The following NEDD4L variants were observed in gnomAD, a reference collection of about 807,000 sequenced individuals.
The protein encoded by NEDD4L is NEDD4 like E3 ubiquitin protein ligase, also known as E3 ubiquitin-protein ligase NEDD4-like.
NEDD4L carries 54 observed loss-of-function variants against 148.9 expected under a neutral mutation model. The observed-to-expected ratio is 0.36, with a 90% CI of 0.29 to 0.45. The LOEUF (loss-of-function observed/expected upper bound fraction) is 0.45. NEDD4L is among the 20% of genes least tolerant of loss of function. The pLI is 1.00. For synonymous variants in NEDD4L, 433 were observed against 440.7 expected, an observed-to-expected ratio of 0.98 and a Z score of 0.22; for missense variants, 856 against 1,233.8, an observed-to-expected ratio of 0.69 and a Z score of 4.59.
At chr18:58,183,043 G>A (rs1451037727) in intron 2 of NEDD4L, among the ~76,000 whole-genome samples, 2 of 152,150 alleles carry the variant, frequency 1.3e-5, no homozygotes, top group Admixed American at 6.5e-5. Flanking sequence ...AATGCTTCAG[G>A]TTGTATGGGA....
chr18:58,164,596 G>A (rs903678770), intron 1 of NEDD4L, among the ~76,000 whole-genome samples: 2 of 152,126 alleles, frequency 1.3e-5, no homozygotes, highest in Admixed American at 6.5e-5. Flanking sequence ...TCAGCCTCCT[G>A]AGTAGCTGGG....
chr18:58,251,973 T>TA, intron 4 of NEDD4L, 28 bp from the exon 5 acceptor site: 2 of 1,334,838 alleles, frequency 1.5e-6, no homozygotes, highest in Non-Finnish European at 2.2e-6. Flanking sequence ...CCTGCTCGTT[T>TA]AAAAAATACT....
At chr18:58,221,558 C>T (rs889705601) in intron 2 of NEDD4L, 11 of 985,248 alleles carry the variant, frequency 1.1e-5, no homozygotes, top group African/African-American at 1.7e-5. Context: ...GCGAGCTGGG[C>T]GCATTCCTTC....
chr18:58,198,932 G>A (rs1353609945), intron 2 of NEDD4L, among the ~76,000 whole-genome samples: 2 of 152,094 alleles, frequency 1.3e-5, no homozygotes, highest in Non-Finnish European at 2.9e-5. Context: ...AGCCTCCCAA[G>A]TAGCTGGGAT....
chr18:58,268,899 G>GGGA (rs1424709353), intron 5 of NEDD4L, among the ~76,000 whole-genome samples: 2 of 151,914 alleles, frequency 1.3e-5, no homozygotes, highest in Non-Finnish European at 2.9e-5. Context: ...CAGTGCTCTT[G>GGGA]GGAGCATTCT....
intron 1 of NEDD4L, among the ~76,000 whole-genome samples, chr18:58,129,233 C>T (rs2031656028): frequency 6.6e-6 from 1 of 152,232 alleles, no homozygotes; most frequent in Non-Finnish European, 1.5e-5. Context: ...TTGGCTGCTG[C>T]TGCTCAGCCT....
chr18:58,125,343 TC>T (rs2030848298), intron 1 of NEDD4L, among the ~76,000 whole-genome samples: 1 of 145,220 alleles, frequency 6.9e-6, no homozygotes, highest in African/African-American at 2.6e-5. Context: ...ACTGTCCTCT[TC>T]CCCCCACCAG....
chr18:58,054,502 G>A (rs1039907355), intron 1 of NEDD4L, among the ~76,000 whole-genome samples: 1 of 152,176 alleles, frequency 6.6e-6, no homozygotes, highest in Non-Finnish European at 1.5e-5. Context: ...AGAGGCCCAG[G>A]TGGAAAGATA....
chr18:58,049,607 G>A (rs1023194051), intron 1 of NEDD4L, among the ~76,000 whole-genome samples: 1 of 152,164 alleles, frequency 6.6e-6, no homozygotes, highest in African/African-American at 2.4e-5. Context: ...AGAAACAAAT[G>A]TTAAAAGGAC....
At chr18:58,130,663 C>T (rs1427043394) in intron 1 of NEDD4L, among the ~76,000 whole-genome samples, 4 of 142,846 alleles carry the variant, frequency 2.8e-5, no homozygotes, top group Non-Finnish European at 6.1e-5. Flanking sequence ...TGACTGTGAT[C>T]TAGCAGAACA....
intron 27 of NEDD4L, 107 bp from the exon 28 acceptor site, chr18:58,388,978 C>T (rs2049423701): frequency 2.4e-6 from 2 of 849,892 alleles, no homozygotes; most frequent in African/African-American, 1.7e-5. Context: ...GCTAGCTTAC[C>T]TTCGCGGCAC....
intron 1 of NEDD4L, among the ~76,000 whole-genome samples, chr18:58,143,678 C>G (rs1002704938): frequency 6.6e-6 from 1 of 152,106 alleles, no homozygotes; most frequent in South Asian, 2.1e-4. Flanking sequence ...CCAGAGAGGC[C>G]GTGGATGGGA....
In NEDD4L at chr18:58,256,570, T is replaced by A; in HGVS notation, c.297+4516T>A. The A allele has an allele frequency of 8.1e-7, 1 of 1,232,308 alleles. No homozygotes were observed. The highest frequency in any genetic ancestry group is 1.0e-6 in the Non-Finnish European group (1 of 988,104). 76.3% of individuals were successfully genotyped at this position (1,232,308 alleles called of 1,614,324 possible). A position where few individuals can be genotyped will look rare whatever the true frequency, so the allele number is the denominator to read the frequency against. ...GAGCCCTGGAGGCATCGCCTCGAGC[T>A]GGCAGGATGGCTCCTGAAATCCGCA... is the stretch of plus-strand genomic sequence containing the variant. On this transcript the variant is annotated intron_variant, in intron 5 of 30. Coordinates refer to ENST00000400345, the MANE Select transcript of NEDD4L (RefSeq NM_001144967.3). This position sits in a 1 kb window ranked among gnomAD's most constrained non-coding sequence, Gnocchi z 5.2.
intron 2 of NEDD4L, among the ~76,000 whole-genome samples, chr18:58,219,832 G>A (rs2043542096): frequency 1.3e-5 from 2 of 152,196 alleles, no homozygotes; most frequent in Non-Finnish European, 2.9e-5. Context: ...CATTTGGTAG[G>A]ACGTGTAGAT....
chr18:58,281,343 G>GGAA (rs1568564490), intron 5 of NEDD4L, among the ~76,000 whole-genome samples: 2 of 150,554 alleles, frequency 1.3e-5, no homozygotes, highest in South Asian at 4.2e-4. Flanking sequence ...GGATAGCTGT[G>GGAA]ATGGAAATGG....
At chr18:58,344,719 C>CTT (rs57973002) in intron 16 of NEDD4L, among the ~76,000 whole-genome samples, 15 of 151,288 alleles carry the variant, frequency 9.9e-5, no homozygotes, top group South Asian at 4.2e-4. Context: ...TAATGGAGTT[C>CTT]TTTTTTTTTA....
At chr18:58,104,130 T>C (rs1341436229) in intron 1 of NEDD4L, among the ~76,000 whole-genome samples, 2 of 152,218 alleles carry the variant, frequency 1.3e-5, no homozygotes, top group Non-Finnish European at 2.9e-5. Flanking sequence ...AATATTGATT[T>C]AAAAAGGGAC....
intron 2 of NEDD4L, among the ~76,000 whole-genome samples, chr18:58,181,963 C>A (rs1375247079): frequency 6.6e-6 from 1 of 152,094 alleles, no homozygotes; most frequent in Non-Finnish European, 1.5e-5. Context: ...TATCCCTTCC[C>A]TATAGCTAAC....
At chr18:58,083,545 G>A (rs1296840785) in intron 1 of NEDD4L, among the ~76,000 whole-genome samples, 3 of 152,056 alleles carry the variant, frequency 2.0e-5, no homozygotes, top group East Asian at 1.9e-4. Flanking sequence ...AAAATTAGCC[G>A]GGCGTGGTGG....
Sources: allele counts gnomAD v4.1 joint callset (sites outside exome capture counted in the v4.1 genomes callset), GRCh38; gene constraint gnomAD v4.1.1; non-coding constraint Gnocchi (gnomAD v3.1); transcripts MANE v1.5; gene names NCBI Gene and HGNC (gene_info 2026-07-23, HGNC 2026-07-21).